RTL4: variants seen among roughly 807,000 people sequenced by gnomAD.
RTL4 encodes retrotransposon Gag-like protein 4.
RTL4 carries 4 observed loss-of-function variants against 5.3 expected under a neutral mutation model. That is an observed-to-expected ratio of 0.75 (90% CI 0.37 to 1.72). The LOEUF is 1.72. Among genes scored for constraint, RTL4 ranks in the 40% most tolerant of loss-of-function variants. RTL4 has a pLI of 0.04. For synonymous variants in RTL4, 98 were observed against 87.3 expected, an observed-to-expected ratio of 1.12 and a Z score of -0.68; for missense variants, 260 against 227.1, an observed-to-expected ratio of 1.14 and a Z score of -0.93.
rs145099307 is a variant in RTL4 at position 112,455,301 on chromosome X, C to G, written c.573C>G (p.Pro191=). 5.3e-4 allele frequency: 639 copies of G among 1,209,617 alleles called. 2 individuals are homozygous for G. In the African/African-American group the frequency reaches 9.2e-3, roughly 17 times the overall value. ...AGTTCGAAAAGGCACTAGCTGATCC[C>G]AACCAGGATGAAGAGAGTGTCACTG... is the stretch of plus-strand genomic sequence containing the variant. Residue 191 remains proline, a synonymous_variant, in exon 1 of 1, where the codon CCC becomes CCG. Transcript: ENST00000340433.
the RTL4 span, among the ~76,000 whole-genome samples, chrX:112,328,103 G>A: frequency 0.014 from 1,462 of 107,838 alleles, 26 homozygotes; most frequent in African/African-American, 0.047. Flanking sequence ...ATCAACTAAC[G>A]AGCAAAATAC....
the RTL4 span, among the ~76,000 whole-genome samples, chrX:112,428,110 T>G: frequency 8.9e-6 from 1 of 112,029 alleles, no homozygotes; most frequent in African/African-American, 3.2e-5. Context: ...TTTTGTTCTT[T>G]TTCATGGCTG....
chrX:112,222,503 G>A, the RTL4 span, among the ~76,000 whole-genome samples: 1 of 110,891 alleles, frequency 9.0e-6, no homozygotes, highest in East Asian at 2.9e-4. Flanking sequence ...TGAGGCAGGA[G>A]GATCTCTTGA....
the RTL4 span, among the ~76,000 whole-genome samples, chrX:112,305,496 G>A: frequency 9.1e-6 from 1 of 109,990 alleles, no homozygotes; most frequent in Non-Finnish European, 1.9e-5. Flanking sequence ...CCAAGTAGCT[G>A]GGACTACAGG....
the RTL4 span, among the ~76,000 whole-genome samples, chrX:112,112,275 G>T: frequency 8.9e-6 from 1 of 111,978 alleles, no homozygotes; most frequent in Admixed American, 9.5e-5. Context: ...GCTTAAGGCT[G>T]GAGCTTGTAC....
At chrX:112,176,000 C>T in the RTL4 span, among the ~76,000 whole-genome samples, 1 of 110,621 alleles carries the variant, frequency 9.0e-6, no homozygotes, top group Middle Eastern at 4.6e-3. Context: ...AGCCCAAAAT[C>T]TCCTTAAGCT....
the RTL4 span, among the ~76,000 whole-genome samples, chrX:112,150,521 A>G: frequency 1.8e-5 from 2 of 110,987 alleles, no homozygotes; most frequent in Non-Finnish European, 3.8e-5. Context: ...TTCCCTTTAA[A>G]TCTGCTGAAA....
At chrX:112,313,159 A>T in the RTL4 span, among the ~76,000 whole-genome samples, 1 of 110,088 alleles carries the variant, frequency 9.1e-6, no homozygotes, top group Non-Finnish European at 1.9e-5. Flanking sequence ...TAGAAAGGAC[A>T]TTTTTTTTTC....
the RTL4 span, among the ~76,000 whole-genome samples, chrX:112,207,676 C>A: frequency 1.9e-5 from 2 of 105,587 alleles, no homozygotes; most frequent in East Asian, 6.0e-4. Context: ...TTCTGTGGAA[C>A]CCCAATATAT....
the RTL4 span, among the ~76,000 whole-genome samples, chrX:112,329,076 C>G: frequency 9.0e-5 from 10 of 110,550 alleles, no homozygotes; most frequent in East Asian, 8.5e-4. Context: ...AAAATTGACA[C>G]CCTAACATCA....
chrX:112,337,122 T>C, the RTL4 span, among the ~76,000 whole-genome samples: 1 of 111,853 alleles, frequency 8.9e-6, no homozygotes, highest in African/African-American at 3.2e-5. Context: ...TGTTAGAAAA[T>C]GTCTCTCAAA....
the RTL4 span, among the ~76,000 whole-genome samples, chrX:112,193,822 T>G: frequency 8.9e-6 from 1 of 111,938 alleles, no homozygotes; most frequent in African/African-American, 3.2e-5. Flanking sequence ...TTTCTTACAT[T>G]TGCTATTGAA....
the RTL4 span, among the ~76,000 whole-genome samples, chrX:112,404,142 G>C: frequency 9.0e-6 from 1 of 111,225 alleles, no homozygotes; most frequent in South Asian, 3.8e-4. Flanking sequence ...CTGGTTCACT[G>C]TTTATGTGGG....
chrX:112,272,949 T>C, the RTL4 span, among the ~76,000 whole-genome samples: 1 of 111,606 alleles, frequency 9.0e-6, no homozygotes, highest in Non-Finnish European at 1.9e-5. Flanking sequence ...TATACCAAGG[T>C]GAAATCTCAT....
the RTL4 span, among the ~76,000 whole-genome samples, chrX:112,435,853 T>C: frequency 8.9e-6 from 1 of 112,386 alleles, no homozygotes; most frequent in Admixed American, 9.5e-5. Flanking sequence ...CTCCCTTCTG[T>C]TCCTTTAAGA....
the RTL4 span, among the ~76,000 whole-genome samples, chrX:112,407,742 T>A: frequency 1.8e-5 from 2 of 112,715 alleles, no homozygotes; most frequent in African/African-American, 6.4e-5. Context: ...AGCACAGTCC[T>A]AGTAGTGATG....
the RTL4 span, among the ~76,000 whole-genome samples, chrX:112,174,733 TC>T: frequency 1.1e-5 from 1 of 93,483 alleles, no homozygotes; most frequent in East Asian, 3.6e-4. Flanking sequence ...CCACATCCTC[TC>T]CAGCACCTGT....
the RTL4 span, among the ~76,000 whole-genome samples, chrX:112,360,906 T>C: frequency 9.0e-6 from 1 of 111,008 alleles, no homozygotes; most frequent in African/African-American, 3.3e-5. Flanking sequence ...CCTGGAGTTA[T>C]TTATGGCCTA....
At chrX:112,146,544 G>A in the RTL4 span, among the ~76,000 whole-genome samples, 22 of 110,742 alleles carry the variant, frequency 2.0e-4, no homozygotes, top group Non-Finnish European at 3.0e-4. Flanking sequence ...GAAGAGGGAA[G>A]AGAGATCTGA....
Sources: gnomAD v4.1 joint callset for allele counts (sites outside exome capture counted in the v4.1 genomes callset) on GRCh38, gnomAD v4.1.1 for gene constraint, MANE v1.5 for transcripts, NCBI Gene and HGNC (gene_info 2026-07-23, HGNC 2026-07-21) for gene names.